Variants in LEKR1 observed in about 807,000 individuals in gnomAD.
LEKR1 encodes the protein leucine, glutamate and lysine rich 1, also known as protein LEKR1.
Under a neutral mutation model 72.4 loss-of-function variants are expected in LEKR1, and 59 were observed. That is an observed-to-expected ratio of 0.82 (90% CI 0.66 to 1.01). LEKR1 has a LOEUF of 1.01. LEKR1 is among the 50% of genes least tolerant of loss of function. The pLI is 0.00. For missense variants in LEKR1, 728 were observed against 759.2 expected, an observed-to-expected ratio of 0.96 and a Z score of 0.48; for synonymous variants, 257 against 263.2, an observed-to-expected ratio of 0.98 and a Z score of 0.23.
chr3:156,876,273 C>A (rs1718566526), intron 3 of LEKR1, among the ~76,000 whole-genome samples: 1 of 152,098 alleles, frequency 6.6e-6, no homozygotes, highest in Non-Finnish European at 1.5e-5. Flanking sequence ...GTGATGTCTT[C>A]ACATTTTTTC....
chr3:156,943,665 G>A (rs1726430865), intron 6 of LEKR1, among the ~76,000 whole-genome samples: 1 of 151,822 alleles, frequency 6.6e-6, no homozygotes, highest in Admixed American at 6.6e-5. Context: ...GACTACCTAA[G>A]ACCAGGGAGA....
intron 12 of LEKR1, among the ~76,000 whole-genome samples, chr3:157,036,790 G>A (rs11707148): frequency 6.6e-6 from 1 of 152,146 alleles, no homozygotes; most frequent in Non-Finnish European, 1.5e-5. Context: ...TGGGTTCTTA[G>A]AAGTATGTCT....
At chr3:156,878,067 C>T (rs1025420916) in intron 3 of LEKR1, among the ~76,000 whole-genome samples, 2 of 152,006 alleles carry the variant, frequency 1.3e-5, no homozygotes, top group Non-Finnish European at 2.9e-5. Flanking sequence ...AGGTGTGAGC[C>T]ACCGCACTGC....
At chr3:156,839,345 A>T (rs1713586875) in intron 2 of LEKR1, among the ~76,000 whole-genome samples, 1 of 152,208 alleles carries the variant, frequency 6.6e-6, no homozygotes, top group Non-Finnish European at 1.5e-5. Flanking sequence ...ATGGAAGAGA[A>T]CCCTGACAGA....
chr3:156,857,383 T>C (rs1448684755), intron 3 of LEKR1, among the ~76,000 whole-genome samples: 1 of 152,144 alleles, frequency 6.6e-6, no homozygotes, highest in Non-Finnish European at 1.5e-5. Context: ...CTGTGAATTA[T>C]CCCTTAAATA....
At chr3:157,039,924 T>G (rs1206487706) in intron 12 of LEKR1, among the ~76,000 whole-genome samples, 1 of 152,164 alleles carries the variant, frequency 6.6e-6, no homozygotes, top group Admixed American at 6.5e-5. Flanking sequence ...ACGTCTTTTT[T>G]AAAGAGTAAG....
chr3:156,921,707 G>A (rs1724214139), intron 4 of LEKR1, among the ~76,000 whole-genome samples: 1 of 152,014 alleles, frequency 6.6e-6, no homozygotes, highest in East Asian at 1.9e-4. Flanking sequence ...AATAGCTTTG[G>A]CCCATATCTG....
Position 156,993,167 on chromosome 3 carries a change from G to A in LEKR1, c.999G>A (p.Lys333=). ...ALQEELTVKE[K]QEEDIKRRIN... The stretch of plus-strand genomic sequence containing the variant: ...AGGAAGAGCTGACTGTGAAAGAAAA[G>A]CAAGAAGAAGACATAAAGAGAAGAA... The change falls in exon 9 of 13, where the codon AAG becomes AAA. Residue 333 remains lysine, a synonymous_variant. Transcript: ENST00000356539. 2 of 1,612,246 alleles carry A rather than the reference G, an allele frequency of 1.2e-6. No homozygotes were observed. Among genetic ancestry groups the A allele is most frequent in the Non-Finnish European group, 8.5e-7 (1 of 1,178,710 alleles).
intron 3 of LEKR1, among the ~76,000 whole-genome samples, chr3:156,882,763 C>A (rs1243585124): frequency 1.1e-4 from 17 of 152,128 alleles, no homozygotes; most frequent in Non-Finnish European, 1.5e-4. Context: ...AAATGTCCAA[C>A]AATGATAGAC....
intron 9 of LEKR1, among the ~76,000 whole-genome samples, chr3:157,003,371 TG>T (rs141881608): frequency 2.0e-3 from 311 of 152,328 alleles, no homozygotes; most frequent in African/African-American, 7.1e-3. Context: ...CTATTGCTGC[TG>T]TAACAAATGA....
At chr3:156,945,661 C>G (rs1726612276) in intron 6 of LEKR1, among the ~76,000 whole-genome samples, 1 of 151,708 alleles carries the variant, frequency 6.6e-6, no homozygotes, top group African/African-American at 2.4e-5. Context: ...TTTTATTCAT[C>G]TGCATATGGA....
In LEKR1 at chr3:157,011,427, T is replaced by C. The variant is rs1338743980; in HGVS notation, c.1124T>C (p.Ile375Thr). The C allele has an allele frequency of 6.2e-7, 1 of 1,612,724 alleles. No homozygotes were observed. Among genetic ancestry groups the C allele is most frequent in the African/African-American group, 1.3e-5 (1 of 74,998 alleles). ...GTGATTTTCAGGGAATTGATGCTGA[T>C]TTCACATCAGAAAAGCATCGAGCAG... ...TLKNERELML[I>T]SHQKSIEQLQ... Residue 375 changes from isoleucine (I) to threonine (T), a missense_variant, in exon 10 of 13, where the codon ATT (isoleucine) becomes ACT (threonine). Coordinates refer to ENST00000356539, the MANE Select transcript of LEKR1 (RefSeq NM_001004316.3).
intron 12 of LEKR1, among the ~76,000 whole-genome samples, chr3:157,031,899 G>A (rs1355330640): frequency 4.6e-5 from 7 of 152,130 alleles, no homozygotes; most frequent in African/African-American, 1.2e-4. Flanking sequence ...CCTAAGTGGA[G>A]CAGGGATTAT....
intron 9 of LEKR1, among the ~76,000 whole-genome samples, chr3:157,009,338 T>G (rs755686364): frequency 1.3e-5 from 2 of 152,170 alleles, no homozygotes; most frequent in Non-Finnish European, 2.9e-5. Context: ...GTATTCTACA[T>G]TTATAGCACA....
At chr3:156,828,523 GCCCTCGCCCT>G (rs1711947187) in intron 1 of LEKR1, among the ~76,000 whole-genome samples, 1 of 151,488 alleles carries the variant, frequency 6.6e-6, no homozygotes, top group South Asian at 2.1e-4. Flanking sequence ...TGCTGCCACT[GCCCTCGCCCT>G]TCTCCTGACT....
At chr3:156,986,138 C>T (rs1406749353) in intron 7 of LEKR1, among the ~76,000 whole-genome samples, 2 of 152,176 alleles carry the variant, frequency 1.3e-5, no homozygotes, top group Non-Finnish European at 2.9e-5. Flanking sequence ...GGACTTCTGA[C>T]CTCCAGAACT....
chr3:157,045,916 A>G lies in LEKR1; in HGVS notation c.*166A>G. On this transcript the variant is annotated 3_prime_UTR_variant, in exon 13 of 13. Coordinates refer to ENST00000356539, the MANE Select transcript of LEKR1 (RefSeq NM_001004316.3). ...GACTGTAAAAAGCTGGAAAATTGTG[A>G]AGCCTTATTTTTCAAGAGGGTTTTG... 3.1e-6 allele frequency: 2 copies of G among 641,328 alleles called. No homozygotes were observed. Among genetic ancestry groups the G allele is most frequent in the Non-Finnish European group, 5.2e-6 (2 of 384,936 alleles). The allele number at this position is 641,328 out of a possible 1,614,324, so 39.7% of individuals were successfully genotyped here. A position where few individuals can be genotyped will look rare whatever the true frequency, so the allele number is the denominator to read the frequency against.
At chr3:157,006,074 C>T (rs1324861823) in intron 9 of LEKR1, among the ~76,000 whole-genome samples, 1 of 151,424 alleles carries the variant, frequency 6.6e-6, no homozygotes, top group African/African-American at 2.4e-5. Flanking sequence ...GGCGCAATCT[C>T]GGCTTACTGC....
intron 5 of LEKR1, 120 bp from the exon 6 acceptor site, chr3:156,942,409 T>C (rs1666341002): frequency 3.0e-6 from 1 of 329,340 alleles, no homozygotes; most frequent in South Asian, 2.5e-5. Context: ...GTCATTATAA[T>C]CTCAGAAATG....
Sources: gnomAD v4.1 joint callset for allele counts (sites outside exome capture counted in the v4.1 genomes callset) on GRCh38, gnomAD v4.1.1 for gene constraint, MANE v1.5 for transcripts, NCBI Gene and HGNC (gene_info 2026-07-23, HGNC 2026-07-21) for gene names.